SORCS3: variants seen among roughly 807,000 people sequenced by gnomAD.
SORCS3 encodes VPS10 domain-containing receptor SorCS3.
In SORCS3, 57 loss-of-function variants were observed where a neutral mutation model predicts 146.3. That is an observed-to-expected ratio of 0.39 (90% CI 0.31 to 0.49). The LOEUF is 0.49. Among genes scored for constraint, SORCS3 ranks in the 20% least tolerant of loss-of-function variants. SORCS3 has a pLI of 0.92. For missense variants in SORCS3, 1,341 were observed against 1,575.5 expected (o/e 0.85, Z 2.52); for synonymous variants, 653 against 618.5 (o/e 1.06, Z -0.83).
intron 1 of SORCS3, among the ~76,000 whole-genome samples, chr10:104,746,465 A>C (rs1301516180): frequency 6.6e-6 from 1 of 152,260 alleles, no homozygotes; most frequent in Non-Finnish European, 1.5e-5. Flanking sequence ...GTGATTAAAT[A>C]AGGCTAATGA....
intron 2 of SORCS3, among the ~76,000 whole-genome samples, chr10:104,878,872 T>C (rs900381868): frequency 6.6e-6 from 1 of 152,138 alleles, no homozygotes; most frequent in African/African-American, 2.4e-5. Context: ...GATGCGACCA[T>C]TGATCCCAGC....
At chr10:104,691,063 T>C (rs1349138978) in intron 1 of SORCS3, among the ~76,000 whole-genome samples, 1 of 152,196 alleles carries the variant, frequency 6.6e-6, no homozygotes, top group African/African-American at 2.4e-5. Context: ...CCAGCACCCG[T>C]GGGCAGCTTG....
At chr10:105,079,746 C>T (rs935251992) in intron 5 of SORCS3, among the ~76,000 whole-genome samples, 3 of 152,046 alleles carry the variant, frequency 2.0e-5, no homozygotes, top group Admixed American at 1.3e-4. Flanking sequence ...CTGGTAGGCC[C>T]CAGTGTTTGT....
At chr10:104,699,338 A>T (rs2016253569) in intron 1 of SORCS3, among the ~76,000 whole-genome samples, 1 of 152,094 alleles carries the variant, frequency 6.6e-6, no homozygotes, top group Admixed American at 6.6e-5. Context: ...GTTTCCCTGG[A>T]GTCTCCTTAA....
At chr10:105,085,989 G>C (rs1377013977) in intron 5 of SORCS3, among the ~76,000 whole-genome samples, 1 of 151,978 alleles carries the variant, frequency 6.6e-6, no homozygotes, top group African/African-American at 2.4e-5. Flanking sequence ...CTGTCACACT[G>C]TCAATTTTTT....
intron 7 of SORCS3, among the ~76,000 whole-genome samples, chr10:105,138,234 T>A (rs2056071804): frequency 6.6e-6 from 1 of 152,164 alleles, no homozygotes; most frequent in African/African-American, 2.4e-5. Flanking sequence ...GACTCTGACA[T>A]CTGCTCTACC....
intron 2 of SORCS3, among the ~76,000 whole-genome samples, chr10:104,875,325 G>C (rs2133570944): frequency 6.6e-6 from 1 of 152,320 alleles, no homozygotes; most frequent in African/African-American, 2.4e-5. Flanking sequence ...TTTTACAGTA[G>C]TGGGTTATAT....
intron 20 of SORCS3, among the ~76,000 whole-genome samples, chr10:105,226,170 G>A (rs1247434666): frequency 6.6e-6 from 1 of 151,784 alleles, no homozygotes; most frequent in Admixed American, 6.6e-5. Context: ...AACTTTTCCT[G>A]ATTCAGTATG....
At chr10:104,899,908 G>A (rs1404919046) in intron 2 of SORCS3, among the ~76,000 whole-genome samples, 5 of 151,962 alleles carry the variant, frequency 3.3e-5, no homozygotes, top group African/African-American at 1.2e-4. Context: ...ATCTAGGATG[G>A]CCAATGCCTA....
At chr10:104,816,324 TG>T (rs2133523177) in intron 1 of SORCS3, among the ~76,000 whole-genome samples, 3 of 152,358 alleles carry the variant, frequency 2.0e-5, no homozygotes, top group African/African-American at 7.2e-5. Context: ...TTTAATCTGC[TG>T]AAAGCAAGAT....
chr10:104,724,594 C>T (rs911250137), intron 1 of SORCS3, among the ~76,000 whole-genome samples: 17 of 152,246 alleles, frequency 1.1e-4, no homozygotes, highest in African/African-American at 4.1e-4. Flanking sequence ...TGCATTCTCC[C>T]CATCACTTTC....
At chr10:105,250,761 G>A (rs990261238) in intron 22 of SORCS3, among the ~76,000 whole-genome samples, 10 of 152,148 alleles carry the variant, frequency 6.6e-5, no homozygotes, top group African/African-American at 2.4e-4. Flanking sequence ...TTGAAAGAAT[G>A]TTGAGGCATC....
At chr10:105,083,144 A>G (rs2055636593) in intron 5 of SORCS3, among the ~76,000 whole-genome samples, 1 of 152,228 alleles carries the variant, frequency 6.6e-6, no homozygotes, top group Non-Finnish European at 1.5e-5. Context: ...AATTAAAAGT[A>G]GGAATACAGC....
chr10:105,234,001 C>T (rs2056779222), intron 20 of SORCS3, among the ~76,000 whole-genome samples: 1 of 152,100 alleles, frequency 6.6e-6, no homozygotes, highest in Non-Finnish European at 1.5e-5. Flanking sequence ...TCATGTGGTT[C>T]AAGTTTCTGA....
chr10:104,869,625 C>G (rs1380147509), intron 2 of SORCS3, among the ~76,000 whole-genome samples: 1 of 152,198 alleles, frequency 6.6e-6, no homozygotes, highest in Non-Finnish European at 1.5e-5. Context: ...GGCACTATCA[C>G]CAACCATTTC....
intron 1 of SORCS3, among the ~76,000 whole-genome samples, chr10:104,814,895 A>G (rs137985817): frequency 6.6e-6 from 1 of 152,322 alleles, no homozygotes; most frequent in Non-Finnish European, 1.5e-5. Context: ...TACAAATATA[A>G]TTGGTAGTTA....
chr10:105,261,368 C>T (rs2056959423), intron 25 of SORCS3, among the ~76,000 whole-genome samples: 1 of 152,130 alleles, frequency 6.6e-6, no homozygotes, highest in Non-Finnish European at 1.5e-5. Context: ...TGAAGAGCTG[C>T]TTCTATTAGA....
chr10:104,650,418 A>C (rs577936220), intron 1 of SORCS3, among the ~76,000 whole-genome samples: 20 of 152,338 alleles, frequency 1.3e-4, no homozygotes, highest in African/African-American at 4.8e-4. Flanking sequence ...CCATAGATGA[A>C]TAATCATTTG....
At chr10:104,799,777 G>A (rs982277812) in intron 1 of SORCS3, among the ~76,000 whole-genome samples, 8 of 151,898 alleles carry the variant, frequency 5.3e-5, no homozygotes, top group Non-Finnish European at 7.4e-5. Context: ...CCGGGTTCAC[G>A]CTATTCTCCT....
Sources: allele counts gnomAD v4.1 joint callset (sites outside exome capture counted in the v4.1 genomes callset), GRCh38; gene constraint gnomAD v4.1.1; transcripts MANE v1.5; gene names NCBI Gene and HGNC (gene_info 2026-07-23, HGNC 2026-07-21).